Variants in GALNT14 observed in about 807,000 individuals in gnomAD.
GALNT14 encodes UDP-GalNAc:polypeptide N-acetylgalactosaminyltransferase 14.
GALNT14 carries 60 observed loss-of-function variants against 77.5 expected under a neutral mutation model. The ratio of observed to expected loss-of-function variants is 0.77; its 90% CI spans 0.63 to 0.96. The LOEUF is 0.96. Among genes scored for constraint, GALNT14 ranks in the 40% least tolerant of loss-of-function variants. The pLI, the probability that GALNT14 is intolerant of heterozygous loss-of-function variation, is 0.00. For missense variants in GALNT14, 710 were observed against 731.0 expected (o/e 0.97, Z 0.33); for synonymous variants, 280 against 281.7 (o/e 0.99, Z 0.06).
chr2:30,913,569 C>T (rs140101460), intron 13 of GALNT14, among the ~76,000 whole-genome samples: 7 of 152,252 alleles, frequency 4.6e-5, no homozygotes, highest in South Asian at 2.1e-4. Flanking sequence ...CTGGGTGGTT[C>T]GGAGGAACCA....
chr2:30,959,576 G>A (rs551548637), intron 3 of GALNT14, among the ~76,000 whole-genome samples: 22 of 152,298 alleles, frequency 1.4e-4, no homozygotes, highest in African/African-American at 4.8e-4. Context: ...AGGGATAATA[G>A]GAGTACTTAT....
intron 1 of GALNT14, among the ~76,000 whole-genome samples, chr2:31,029,667 C>T (rs183897085): frequency 1.3e-5 from 2 of 152,226 alleles, no homozygotes; most frequent in East Asian, 1.9e-4. Context: ...GATGGCCAGT[C>T]GCAATCATGT....
chr2:30,924,871 T>G, intron 11 of GALNT14, 48 bp from the exon 12 acceptor site: 3 of 1,534,952 alleles, frequency 2.0e-6, no homozygotes, highest in Non-Finnish European at 2.7e-6. Context: ...AACACAGCTG[T>G]CAGAGGCAGG....
At chr2:31,040,779 C>T (rs1299547306) in intron 1 of GALNT14, among the ~76,000 whole-genome samples, 1 of 152,172 alleles carries the variant, frequency 6.6e-6, no homozygotes, top group Non-Finnish European at 1.5e-5. Flanking sequence ...GGAAGCTTGG[C>T]ACTGACTAAT....
At chr2:31,025,412 G>A (rs1272211569) in intron 1 of GALNT14, among the ~76,000 whole-genome samples, 1 of 152,206 alleles carries the variant, frequency 6.6e-6, no homozygotes, top group Non-Finnish European at 1.5e-5. Flanking sequence ...GAGACGGGTA[G>A]AGGCAGGCAT....
At chr2:31,015,554 G>GA (rs1377044635) in intron 1 of GALNT14, among the ~76,000 whole-genome samples, 3 of 152,012 alleles carry the variant, frequency 2.0e-5, no homozygotes, top group Non-Finnish European at 2.9e-5. Flanking sequence ...TGGCAAAAGG[G>GA]AAAAAAAGAG....
chr2:31,037,663 T>C (rs1383972163), intron 1 of GALNT14, among the ~76,000 whole-genome samples: 1 of 152,118 alleles, frequency 6.6e-6, no homozygotes, highest in African/African-American at 2.4e-5. Context: ...TTGCTAATAT[T>C]TGTGGTTGCT....
chr2:30,936,186 C>A (rs28532324), intron 9 of GALNT14, among the ~76,000 whole-genome samples: 1 of 151,982 alleles, frequency 6.6e-6, no homozygotes, highest in Non-Finnish European at 1.5e-5. Flanking sequence ...CCATTCCCCC[C>A]ACTTTCCTTC....
chr2:30,903,080 T>A, the GALNT14 span, among the ~76,000 whole-genome samples: 1 of 152,168 alleles, frequency 6.6e-6, no homozygotes, highest in African/African-American at 2.4e-5. Context: ...ATCGTAACTA[T>A]AGGAGGCCAC....
chr2:30,944,964 C>A, intron 7 of GALNT14, 22 bp from the exon 8 acceptor site: 1 of 1,580,836 alleles, frequency 6.3e-7, no homozygotes, highest in African/African-American at 1.3e-5. Flanking sequence ...CACCAACCCA[C>A]CTGCTTTGGT....
intron 1 of GALNT14, among the ~76,000 whole-genome samples, chr2:31,018,118 C>T (rs543591584): frequency 6.6e-6 from 1 of 152,288 alleles, no homozygotes; most frequent in Admixed American, 6.5e-5. Context: ...AGAAGAAATC[C>T]TTGGAGAGCA....
At chr2:30,967,918 T>G (rs1668109229) in intron 2 of GALNT14, among the ~76,000 whole-genome samples, 1 of 152,224 alleles carries the variant, frequency 6.6e-6, no homozygotes. Flanking sequence ...CCATTGCTCA[T>G]GCTATTACCT....
chr2:30,960,641 G>C (rs554995266), intron 3 of GALNT14, among the ~76,000 whole-genome samples: 1 of 152,102 alleles, frequency 6.6e-6, no homozygotes, highest in African/African-American at 2.4e-5. Flanking sequence ...AGGTGGGCAC[G>C]TGCTCTGGGT....
intron 1 of GALNT14, among the ~76,000 whole-genome samples, chr2:31,044,683 C>T (rs185600008): frequency 1.4e-4 from 22 of 152,048 alleles, no homozygotes; most frequent in African/African-American, 5.1e-4. Flanking sequence ...TTTGGGAGGT[C>T]GAGGTGGGTG....
chr2:30,996,295 G>C (rs746084346), intron 1 of GALNT14, among the ~76,000 whole-genome samples: 6 of 152,238 alleles, frequency 3.9e-5, no homozygotes, highest in Non-Finnish European at 7.3e-5. Flanking sequence ...GGATTGCAAA[G>C]AGGACATGAG....
At chr2:30,905,388 C>G in the GALNT14 span, among the ~76,000 whole-genome samples, 1 of 151,080 alleles carries the variant, frequency 6.6e-6, no homozygotes, top group Non-Finnish European at 1.5e-5. Flanking sequence ...AGCTGAAAAC[C>G]AAGGCTCGAG....
the GALNT14 span, among the ~76,000 whole-genome samples, chr2:30,899,340 C>T: frequency 1.3e-5 from 2 of 152,234 alleles, no homozygotes; most frequent in East Asian, 3.9e-4. Flanking sequence ...AGGCTCCGCT[C>T]TGGGAAGCTG....
At chr2:30,903,811 T>C in the GALNT14 span, among the ~76,000 whole-genome samples, 1 of 152,314 alleles carries the variant, frequency 6.6e-6, no homozygotes, top group East Asian at 1.9e-4. Flanking sequence ...ACAAAGCCAA[T>C]TACCAAAGAG....
intron 1 of GALNT14, among the ~76,000 whole-genome samples, chr2:31,073,345 A>G (rs1675542996): frequency 6.6e-6 from 1 of 152,194 alleles, no homozygotes; most frequent in African/African-American, 2.4e-5. Flanking sequence ...ATATGCAGAT[A>G]TTGTTCTAGA....
Sources: gnomAD v4.1 joint callset for allele counts (sites outside exome capture counted in the v4.1 genomes callset) on GRCh38, gnomAD v4.1.1 for gene constraint, MANE v1.5 for transcripts, NCBI Gene and HGNC (gene_info 2026-07-23, HGNC 2026-07-21) for gene names.